CDK19: variants seen among roughly 807,000 people sequenced by gnomAD.
The protein encoded by CDK19 is cyclin-dependent kinase 19.
Under a neutral mutation model 68.3 loss-of-function variants are expected in CDK19, and 20 were observed. The observed-to-expected ratio is 0.29, with a 90% CI of 0.21 to 0.43. The LOEUF is 0.43. Among genes scored for constraint, CDK19 ranks in the 20% least tolerant of loss-of-function variants. The pLI, the probability that CDK19 is intolerant of heterozygous loss-of-function variation, is 1.00. For missense variants in CDK19, 339 were observed against 623.5 expected (o/e 0.54, Z 4.86); for synonymous variants, 221 against 222.8 (o/e 0.99, Z 0.07).
At chr6:110,623,899 A>ATATATATGTGTGTG (rs1778911354) in intron 8 of CDK19, among the ~76,000 whole-genome samples, 1 of 11,508 alleles carries the variant, frequency 8.7e-5, no homozygotes, top group African/African-American at 1.0e-3. Flanking sequence ...ATGTGTGTGT[A>ATATATATGTGTGTG]TATATATATA....
At chr6:110,647,862 T>C (rs1780710479) in intron 4 of CDK19, among the ~76,000 whole-genome samples, 1 of 152,186 alleles carries the variant, frequency 6.6e-6, no homozygotes, top group African/African-American at 2.4e-5. Context: ...TACTCATGAA[T>C]ATAGTTGTAA....
At chr6:110,626,218 T>C (rs958234261) in intron 8 of CDK19, among the ~76,000 whole-genome samples, 7 of 152,252 alleles carry the variant, frequency 4.6e-5, no homozygotes, top group Non-Finnish European at 8.8e-5. Flanking sequence ...TTTTTAATAC[T>C]GCAGCCTAAA....
chr6:110,724,778 CTTTT>C (rs397957607), intron 2 of CDK19, among the ~76,000 whole-genome samples: 1 of 149,142 alleles, frequency 6.7e-6, no homozygotes, highest in Non-Finnish European at 1.5e-5. Context: ...TAGATAAGAT[CTTTT>C]TTTTTTATTG....
intron 1 of CDK19, among the ~76,000 whole-genome samples, chr6:110,808,343 A>G (rs911584124): frequency 6.6e-6 from 1 of 152,212 alleles, no homozygotes; most frequent in South Asian, 2.1e-4. Flanking sequence ...ACTGCTCTAC[A>G]CCAGGAGTCA....
chr6:110,616,677 A>AC (rs1361938397), intron 12 of CDK19, among the ~76,000 whole-genome samples: 3 of 152,114 alleles, frequency 2.0e-5, no homozygotes, highest in African/African-American at 4.8e-5. Flanking sequence ...TCAAAAAAAA[A>AC]AAAACAAAAC....
intron 2 of CDK19, among the ~76,000 whole-genome samples, chr6:110,673,852 C>G (rs1562183750): frequency 6.6e-6 from 1 of 152,120 alleles, no homozygotes; most frequent in Non-Finnish European, 1.5e-5. Context: ...ACTTCAGCCT[C>G]CCAAAGTGCT....
chr6:110,645,940 G>A, intron 4 of CDK19: 1 of 1,118,456 alleles, frequency 8.9e-7, no homozygotes, highest in Non-Finnish European at 1.3e-6. Flanking sequence ...GAGAGCCTGC[G>A]AGCCACCGAC....
chr6:110,677,631 T>G (rs1211611207), intron 2 of CDK19, among the ~76,000 whole-genome samples: 1 of 150,322 alleles, frequency 6.7e-6, no homozygotes, highest in African/African-American at 2.4e-5. Context: ...TTCTCTAGTA[T>G]CACTGGCAAC....
At chr6:110,699,760 G>C (rs1233065320) in intron 2 of CDK19, among the ~76,000 whole-genome samples, 5 of 151,860 alleles carry the variant, frequency 3.3e-5, no homozygotes, top group Non-Finnish European at 7.4e-5. Context: ...ACAAGAAAAG[G>C]GTCAATAAAT....
At chr6:110,814,479 G>C (rs1016483681) in intron 1 of CDK19, 7 of 384,670 alleles carry the variant, frequency 1.8e-5, no homozygotes, top group African/African-American at 1.1e-4. Context: ...ATCGCTGCTG[G>C]GGGCGGCGGT....
intron 1 of CDK19, among the ~76,000 whole-genome samples, chr6:110,748,352 G>A (rs534696524): frequency 1.3e-5 from 2 of 152,204 alleles, no homozygotes; most frequent in Admixed American, 6.5e-5. Flanking sequence ...CTGAGCATAG[G>A]CCTTTTACTC....
chr6:110,814,850 A>G (rs1783479584), intron 1 of CDK19, 159 bp downstream of exon 1: 1 of 934,054 alleles, frequency 1.1e-6, no homozygotes, highest in African/African-American at 1.7e-5. Flanking sequence ...AGGCGGGCGG[A>G]ACGGGCGCCC....
rs559642702 is a variant in CDK19 at position 110,649,891 on chromosome 6, T to C, written c.457-11185A>G. On this transcript the variant is annotated intron_variant, in intron 4 of 12. Transcript: ENST00000368911. ...CAGTACATAGCTGGTGGCAGAATAG[T>C]TGTTGGTACAACTTCTTTGGAAAAC... Among the ~76,000 whole-genome samples the C allele has an allele frequency of 7.9e-5, 12 of 152,310 alleles. No individual in the cohort carries two copies. In the South Asian group the frequency reaches 2.5e-3, roughly 32 times the overall value.
intron 2 of CDK19, among the ~76,000 whole-genome samples, chr6:110,684,537 C>T (rs1772292652): frequency 6.6e-6 from 1 of 152,102 alleles, no homozygotes; most frequent in Admixed American, 6.6e-5. Context: ...GACTTATTCT[C>T]CAAATTCTGT....
intron 2 of CDK19, among the ~76,000 whole-genome samples, chr6:110,717,481 T>C (rs1775498124): frequency 6.6e-6 from 1 of 152,188 alleles, no homozygotes; most frequent in Non-Finnish European, 1.5e-5. Context: ...GAGAAATAAA[T>C]TCTCCATGTT....
rs1034024405 is a variant in CDK19 at position 110,665,109 on chromosome 6, G to A, written c.456+2325C>T. Reference sequence around the variant, plus strand: ...AGAGTTTTAGTCTGTAAGCAATGAGGAACTATTTCAAAGTTCTTGAGCAGG... The same window carrying A: ...AGAGTTTTAGTCTGTAAGCAATGAGAAACTATTTCAAAGTTCTTGAGCAGG... On this transcript the variant is annotated intron_variant, in intron 4 of 12. Coordinates refer to ENST00000368911, the MANE Select transcript of CDK19 (RefSeq NM_015076.5). 3.9e-5 allele frequency among the ~76,000 whole-genome samples: 6 copies of A among 152,174 alleles called. 1 individual carries two copies. Among genetic ancestry groups the A allele is most frequent in the Admixed American group, 3.9e-4 (6 of 15,266 alleles).
intron 2 of CDK19, among the ~76,000 whole-genome samples, chr6:110,720,856 A>C (rs1435754929): frequency 6.8e-6 from 1 of 146,202 alleles, no homozygotes; most frequent in East Asian, 2.1e-4. Flanking sequence ...TAACAGGGCT[A>C]GACTCTGTCT....
Position 110,815,273 on chromosome 6 carries a change from C to CGCCCGCCGCCCGGACCGCG in CDK19, c.-138_-137insCGCGGTCCGGGCGGCGGGC, listed in dbSNP as rs1410663109. On this transcript the variant is annotated 5_prime_UTR_variant, in exon 1 of 13. Coordinates refer to ENST00000368911, the MANE Select transcript of CDK19 (RefSeq NM_015076.5). ...CGCGCGCGCGCCGCCCGCCGCCCGCCGCTCCGCGGTCCGCCTTCAGCAAGG... is the reference window on the plus strand; with the variant it reads ...CGCGCGCGCGCCGCCCGCCGCCCGCCGCCCGCCGCCCGGACCGCGGCTCCGCGGTCCGCCTTCAGCAAGG... The CGCCCGCCGCCCGGACCGCG allele has an allele frequency of 1.9e-6, 2 of 1,028,094 alleles. No homozygotes were observed. Among genetic ancestry groups the CGCCCGCCGCCCGGACCGCG allele is most frequent in the Non-Finnish European group, 2.6e-6 (2 of 780,200 alleles). 63.7% of individuals were successfully genotyped at this position (1,028,094 alleles called of 1,614,324 possible).
At chr6:110,786,221 G>C (rs1185581001) in intron 1 of CDK19, among the ~76,000 whole-genome samples, 1 of 152,228 alleles carries the variant, frequency 6.6e-6, no homozygotes, top group East Asian at 1.9e-4. Flanking sequence ...ACTGCTTCTT[G>C]TGTGTCTTTT....
Sources: allele counts gnomAD v4.1 joint callset (sites outside exome capture counted in the v4.1 genomes callset), GRCh38; gene constraint gnomAD v4.1.1; transcripts MANE v1.5; gene names NCBI Gene and HGNC (gene_info 2026-07-23, HGNC 2026-07-21).